Variants in RAPGEF4 observed in about 807,000 individuals in gnomAD.
The protein encoded by RAPGEF4 is RAP guanine-nucleotide-exchange factor (GEF) 4.
In RAPGEF4, 66 loss-of-function variants were observed where a neutral mutation model predicts 147.9. The ratio of observed to expected loss-of-function variants is 0.45; its 90% confidence interval spans 0.37 to 0.55. The LOEUF (loss-of-function observed/expected upper bound fraction) is 0.55, where lower values mean the gene tolerates loss of function less well. Among genes scored for constraint, RAPGEF4 ranks in the 20% least tolerant of loss-of-function variants. The pLI, the probability that RAPGEF4 is intolerant of heterozygous loss-of-function variation, is 0.00. For missense variants in RAPGEF4, 1,071 were observed against 1,257.3 expected, an observed-to-expected ratio of 0.85 and a Z score of 2.24; for synonymous variants, 419 against 442.7, an observed-to-expected ratio of 0.95 and a Z score of 0.67.
chr2:172,888,231 G>C (rs764196070), intron 4 of RAPGEF4, among the ~76,000 whole-genome samples: 4 of 152,182 alleles, frequency 2.6e-5, no homozygotes, highest in Non-Finnish European at 5.9e-5. Flanking sequence ...AAAGTATTTA[G>C]GAATTATTTT....
intron 6 of RAPGEF4, among the ~76,000 whole-genome samples, chr2:172,930,301 C>G (rs1685783568): frequency 6.6e-6 from 1 of 152,210 alleles, no homozygotes; most frequent in Non-Finnish European, 1.5e-5. Flanking sequence ...AGTGTCCCAA[C>G]AAGACACCTT....
chr2:172,775,532 G>A (rs1684076671), intron 1 of RAPGEF4, among the ~76,000 whole-genome samples: 1 of 152,152 alleles, frequency 6.6e-6, no homozygotes, highest in Non-Finnish European at 1.5e-5. Context: ...TCTATGCAGT[G>A]AGGCATATTG....
At chr2:173,009,543 T>C (rs2105857601) in intron 17 of RAPGEF4, among the ~76,000 whole-genome samples, 1 of 152,348 alleles carries the variant, frequency 6.6e-6, no homozygotes, top group Non-Finnish European at 1.5e-5. Context: ...TTCGAAGTTT[T>C]TTTAGCTCTC....
chr2:173,003,610 C>T (rs1364204567), intron 17 of RAPGEF4, among the ~76,000 whole-genome samples: 1 of 152,032 alleles, frequency 6.6e-6, no homozygotes, highest in Non-Finnish European at 1.5e-5. Context: ...AAGTTACCCC[C>T]AGCCCCCACA....
intron 25 of RAPGEF4, among the ~76,000 whole-genome samples, chr2:173,028,767 T>C (rs1696904555): frequency 6.6e-6 from 1 of 152,244 alleles, no homozygotes; most frequent in Admixed American, 6.5e-5. Context: ...AGAATGAGGT[T>C]GAAACCTCGT....
intron 27 of RAPGEF4, among the ~76,000 whole-genome samples, chr2:173,034,807 C>T (rs1365084524): frequency 1.3e-5 from 2 of 151,010 alleles, no homozygotes; most frequent in Non-Finnish European, 2.9e-5. Context: ...CAGGAGGTGG[C>T]GGCTACAGTG....
intron 1 of RAPGEF4, among the ~76,000 whole-genome samples, chr2:172,791,275 A>G (rs549774521): frequency 1.3e-5 from 2 of 152,302 alleles, no homozygotes; most frequent in Non-Finnish European, 2.9e-5. Context: ...AGTCTACTCC[A>G]TGCATGGAAA....
rs1198287176 is a variant in RAPGEF4 at position 172,736,143 on chromosome 2, G to A, written c.65+95G>A. ...CTCCGCACCTGGGCGCAGCGCGGCC[G>A]GGCTGCGGGTGGCCGGGGTCCCCGA... On this transcript the variant is annotated intron_variant, in intron 1 of 30. Coordinates refer to ENST00000397081, the MANE Select transcript of RAPGEF4 (RefSeq NM_007023.4). The A allele has an allele frequency of 2.9e-5, 30 of 1,039,324 alleles. No individual in the cohort carries two copies. The South Asian group carries it at 7.2e-4, about 25-fold the overall frequency. The allele number at this position is 1,039,324 out of a possible 1,614,324, so 64.4% of individuals were successfully genotyped here.
rs561599376 is a variant in RAPGEF4, at chr2:172,941,260, G to C, written c.537+18960G>C. Among the ~76,000 whole-genome samples, 14 of 152,226 alleles carry C rather than the reference G, an allele frequency of 9.2e-5. No homozygotes were observed. The East Asian group carries it at 2.7e-3, about 29-fold the overall frequency. ...GATAGTCAATAGGAATGGTGAGAAA[G>C]AATACCCTTGCTATTAGGTTTTTAA... On this transcript the variant is annotated intron_variant, in intron 6 of 30. Coordinates refer to ENST00000397081, the MANE Select transcript of RAPGEF4 (RefSeq NM_007023.4).
At chr2:172,819,528 C>T (rs371024542) in intron 4 of RAPGEF4, among the ~76,000 whole-genome samples, 2 of 126,046 alleles carry the variant, frequency 1.6e-5, no homozygotes, top group South Asian at 2.7e-4. Flanking sequence ...TGCAGTGGCG[C>T]GATCTCGGCT....
intron 16 of RAPGEF4, 134 bp downstream of exon 16, chr2:172,996,688 T>C (rs1693397742): frequency 6.4e-6 from 4 of 622,666 alleles, no homozygotes; most frequent in Middle Eastern, 2.5e-4. Context: ...TTGAAAAGCA[T>C]CTCTGTGTGA....
intron 4 of RAPGEF4, among the ~76,000 whole-genome samples, chr2:172,896,061 A>G (rs1219233757): frequency 1.3e-5 from 2 of 152,230 alleles, no homozygotes; most frequent in African/African-American, 4.8e-5. Flanking sequence ...TCAACATTTT[A>G]AACATTTCTT....
intron 10 of RAPGEF4, among the ~76,000 whole-genome samples, chr2:172,976,394 T>G (rs566620857): frequency 7.2e-5 from 11 of 152,300 alleles, no homozygotes; most frequent in African/African-American, 2.6e-4. Flanking sequence ...TAAACTTTCC[T>G]TTAAGGGAAG....
In RAPGEF4 at chr2:172,970,806, G is replaced by GA. The variant is rs1248711068; in HGVS notation, c.1004+3370dup. Among the ~76,000 whole-genome samples the GA allele has an allele frequency of 1.4e-4, 21 of 151,940 alleles. No homozygotes were observed. The East Asian group carries it at 3.5e-3, about 25-fold the overall frequency. On this transcript the variant is annotated intron_variant, in intron 10 of 30. Coordinates refer to ENST00000397081, the MANE Select transcript of RAPGEF4 (RefSeq NM_007023.4). ...GCACACTCTTGTTGCTATTGGTATT[G>GA]AAAAAAAACACATACATTCTGCATG...
At chr2:172,751,660 T>G (rs1200904489) in intron 1 of RAPGEF4, among the ~76,000 whole-genome samples, 1 of 152,206 alleles carries the variant, frequency 6.6e-6, no homozygotes, top group Non-Finnish European at 1.5e-5. Context: ...ACCAAAGACC[T>G]TGAATGAACT....
intron 30 of RAPGEF4, among the ~76,000 whole-genome samples, chr2:173,049,196 C>A (rs1304100993): frequency 6.6e-6 from 1 of 152,148 alleles, no homozygotes. Context: ...CTTTTAAAAT[C>A]TGAACATCTA....
chr2:172,863,406 C>T (rs1232381694), intron 4 of RAPGEF4, among the ~76,000 whole-genome samples: 2 of 151,962 alleles, frequency 1.3e-5, no homozygotes, highest in East Asian at 3.8e-4. Context: ...GGAGTTTTTC[C>T]CAGACAAGAC....
chr2:173,001,139 A>C, intron 16 of RAPGEF4, 127 bp from the exon 17 acceptor site: 1 of 1,380,804 alleles, frequency 7.2e-7, no homozygotes, highest in Non-Finnish European at 9.7e-7. Flanking sequence ...GCTTCCATGT[A>C]AAGTAAACTC....
At chr2:172,881,717 A>G (rs1055299052) in intron 4 of RAPGEF4, among the ~76,000 whole-genome samples, 1 of 152,216 alleles carries the variant, frequency 6.6e-6, no homozygotes, top group Non-Finnish European at 1.5e-5. Context: ...TGAAAGTGCT[A>G]ACATTTTGTT....
Sources: allele counts gnomAD v4.1 joint callset (sites outside exome capture counted in the v4.1 genomes callset), GRCh38; gene constraint gnomAD v4.1.1; transcripts MANE v1.5; gene names NCBI Gene and HGNC (gene_info 2026-07-23, HGNC 2026-07-21).